TENM3: variants seen among roughly 807,000 people sequenced by gnomAD.
TENM3 encodes the protein teneurin-3.
TENM3 carries 63 observed loss-of-function variants against 255.1 expected under a neutral mutation model. The observed-to-expected ratio is 0.25, with a 90% confidence interval of 0.20 to 0.30. The LOEUF (loss-of-function observed/expected upper bound fraction) is 0.30, where lower values mean the gene tolerates loss of function less well. TENM3 is among the 10% of genes least tolerant of loss of function. The pLI is 1.00. For synonymous variants in TENM3, 1,306 were observed against 1,322.3 expected (o/e 0.99, Z 0.27); for missense variants, 2,929 against 3,461.1 (o/e 0.85, Z 3.86).
intron 18 of TENM3, among the ~76,000 whole-genome samples, chr4:182,740,544 C>G (rs1301260695): frequency 6.6e-6 from 1 of 152,184 alleles, no homozygotes; most frequent in Non-Finnish European, 1.5e-5. Flanking sequence ...GGAAACGTCT[C>G]TAGATGCCAT....
intron 12 of TENM3, among the ~76,000 whole-genome samples, chr4:182,704,212 G>A (rs1237494373): frequency 6.6e-6 from 1 of 152,090 alleles, no homozygotes; most frequent in Non-Finnish European, 1.5e-5. Context: ...GTATGTTTAT[G>A]GTTCAGTGGA....
chr4:181,888,494 G>GTATATATATGTGTATATATA, the TENM3 span, among the ~76,000 whole-genome samples: 4 of 28,242 alleles, frequency 1.4e-4, no homozygotes, highest in Non-Finnish European at 2.4e-4. Context: ...ATAGAAATGT[G>GTATATATATGTGTATATATA]TATATATATA....
At chr4:182,541,248 A>G (rs566026503) in intron 3 of TENM3, among the ~76,000 whole-genome samples, 7 of 152,208 alleles carry the variant, frequency 4.6e-5, no homozygotes, top group Non-Finnish European at 8.8e-5. Flanking sequence ...GAGCAATATC[A>G]TGTGCTATCT....
the TENM3 span, among the ~76,000 whole-genome samples, chr4:181,468,348 G>T: frequency 6.6e-6 from 1 of 152,112 alleles, no homozygotes; most frequent in Admixed American, 6.5e-5. Flanking sequence ...TAGCCCACTG[G>T]TTTTATTCCC....
the TENM3 span, among the ~76,000 whole-genome samples, chr4:182,111,808 G>C: frequency 3.3e-5 from 5 of 152,172 alleles, no homozygotes; most frequent in African/African-American, 4.8e-5. Context: ...ACTCAGGAAG[G>C]TGGAGCCATA....
chr4:182,263,288 T>A (rs546953458), intron 1 of TENM3, among the ~76,000 whole-genome samples: 17 of 152,076 alleles, frequency 1.1e-4, no homozygotes, highest in Admixed American at 9.8e-4. Flanking sequence ...CCTGGGTAAA[T>A]AATGGGATTG....
chr4:182,737,997 T>A (rs1382463737), intron 17 of TENM3, among the ~76,000 whole-genome samples: 1 of 152,202 alleles, frequency 6.6e-6, no homozygotes, highest in Non-Finnish European at 1.5e-5. Context: ...ATATTTTCCA[T>A]AATTTAACAC....
At chr4:182,160,665 G>T (rs1393859451) in intron 1 of TENM3, among the ~76,000 whole-genome samples, 1 of 152,206 alleles carries the variant, frequency 6.6e-6, no homozygotes, top group Non-Finnish European at 1.5e-5. Context: ...TAGAATGGTG[G>T]TTACCAGAGG....
chr4:182,577,505 G>C (rs1261523220), intron 3 of TENM3, among the ~76,000 whole-genome samples: 1 of 152,186 alleles, frequency 6.6e-6, no homozygotes, highest in Non-Finnish European at 1.5e-5. Context: ...GAGTTTAAAT[G>C]AGGACTCTGC....
rs554166654 is a variant in TENM3, at chr4:182,788,948, C to T, written c.5305-145C>T. On this transcript the variant is annotated intron_variant, in intron 24 of 27. Coordinates refer to ENST00000511685, the MANE Select transcript of TENM3 (RefSeq NM_001080477.4). ...ACATTTTAAAAGAGCAGTTAATCTA[C>T]TGCCTTGCACTTGTACCCAAGAAGT... The T allele has an allele frequency of 8.4e-5, 53 of 628,662 alleles. No individual in the cohort carries two copies. The African/African-American group carries it at 9.5e-4, about 11-fold the overall frequency. 38.9% of individuals were successfully genotyped at this position (628,662 alleles called of 1,614,324 possible).
the TENM3 span, among the ~76,000 whole-genome samples, chr4:182,126,059 A>G: frequency 7.9e-5 from 12 of 152,308 alleles, no homozygotes; most frequent in Admixed American, 6.5e-4. Context: ...GATTAAAACA[A>G]TTAGTACTAA....
intron 4 of TENM3, among the ~76,000 whole-genome samples, chr4:182,607,375 G>A (rs201900155): frequency 1.3e-5 from 2 of 152,026 alleles, no homozygotes; most frequent in Admixed American, 6.5e-5. Context: ...TCTTCCCGTC[G>A]CTTAACAAAA....
the TENM3 span, among the ~76,000 whole-genome samples, chr4:181,615,687 A>G: frequency 2.0e-5 from 3 of 152,324 alleles, no homozygotes; most frequent in South Asian, 2.1e-4. Context: ...GAATTTTTCC[A>G]TGAGTTTAAA....
At position 182,457,558 on chromosome 4, in the gene TENM3, C is replaced by CTT. The variant is rs768197836; in HGVS notation, c.511+110645_511+110646dup. Among the ~76,000 whole-genome samples the CTT allele has an allele frequency of 9.5e-5, 11 of 115,242 alleles. 3 individuals carry two copies. Among genetic ancestry groups the CTT allele is most frequent in the Admixed American group, 2.1e-4 (2 of 9,326 alleles). The allele number at this position is 115,242 out of a possible 152,430, so 75.6% of individuals were successfully genotyped here. On this transcript the variant is annotated intron_variant, in intron 3 of 27. Coordinates refer to ENST00000511685, the MANE Select transcript of TENM3 (RefSeq NM_001080477.4). ...ATGCAAATACCTAAATCATGTATAT[C>CTT]TTTTTTTTTTTTTTTTTGAGGATAG...
the TENM3 span, among the ~76,000 whole-genome samples, chr4:181,761,178 T>C: frequency 6.7e-4 from 102 of 152,262 alleles, no homozygotes; most frequent in African/African-American, 2.2e-3. Context: ...CTATCGACTA[T>C]ACTAAGCTGG....
the TENM3 span, among the ~76,000 whole-genome samples, chr4:181,694,731 A>G: frequency 6.6e-6 from 1 of 152,218 alleles, no homozygotes; most frequent in Non-Finnish European, 1.5e-5. Flanking sequence ...TGGAATACAC[A>G]GAGCTTTGCG....
the TENM3 span, among the ~76,000 whole-genome samples, chr4:181,666,148 G>A: frequency 0.63 from 95,198 of 151,900 alleles, 30,295 homozygotes; most frequent in African/African-American, 0.68. Context: ...AAATACATAC[G>A]CAAATTAAGT....
At chr4:182,621,670 ATATATATAAAATATATAATATATAT>A (rs57176698) in intron 4 of TENM3, among the ~76,000 whole-genome samples, 562 of 49,054 alleles carry the variant, frequency 0.011, 13 homozygotes, top group African/African-American at 0.039. Flanking sequence ...AATATGTATT[ATATATATAAAATATATAATATATAT>A]TATATATAAA....
At chr4:182,531,238 G>A (rs547692038) in intron 3 of TENM3, among the ~76,000 whole-genome samples, 1 of 152,152 alleles carries the variant, frequency 6.6e-6, no homozygotes, top group African/African-American at 2.4e-5. Flanking sequence ...ACACTGTTTT[G>A]TTATAAATAA....
Sources: gnomAD v4.1 joint callset for allele counts (sites outside exome capture counted in the v4.1 genomes callset) on GRCh38, gnomAD v4.1.1 for gene constraint, MANE v1.5 for transcripts, NCBI Gene and HGNC (gene_info 2026-07-23, HGNC 2026-07-21) for gene names.